FAM107B: variants seen among roughly 807,000 people sequenced by gnomAD.
The protein encoded by FAM107B is family with sequence similarity 107 member B.
Under a neutral mutation model 31.5 loss-of-function variants are expected in FAM107B, and 21 were observed. The observed-to-expected ratio is 0.67, with a 90% confidence interval of 0.47 to 0.96. The LOEUF (loss-of-function observed/expected upper bound fraction) is 0.96, where lower values mean the gene tolerates loss of function less well. FAM107B is among the 40% of genes least tolerant of loss of function. The pLI is 0.00. For missense variants in FAM107B, 452 were observed against 377.1 expected (o/e 1.20, Z -1.64); for synonymous variants, 157 against 141.5 (o/e 1.11, Z -0.78).
chr10:14,618,861 G>A lies in FAM107B; in HGVS notation c.469+48773C>T, dbSNP rs541608911. 2.0e-5 allele frequency among the ~76,000 whole-genome samples: 3 copies of A among 152,202 alleles called. No homozygotes were observed. The East Asian group carries it at 5.8e-4, about 29-fold the overall frequency. ...AAAAAAAATAGTCACTGCAGATGAT[G>A]TAATTAAGATGAGGTCATATTGGAG... On this transcript the variant is annotated intron_variant, in intron 2 of 4. Coordinates refer to ENST00000181796, the MANE Select transcript of FAM107B (RefSeq NM_031453.4).
intron 1 of FAM107B, among the ~76,000 whole-genome samples, chr10:14,763,133 G>A (rs1164604564): frequency 2.6e-5 from 4 of 151,326 alleles, no homozygotes; most frequent in Admixed American, 1.3e-4. Context: ...GTGGTGGCAG[G>A]CACCTGTAAT....
intron 2 of FAM107B, among the ~76,000 whole-genome samples, chr10:14,547,593 G>C (rs1207884029): frequency 6.6e-6 from 1 of 151,764 alleles, no homozygotes; most frequent in Non-Finnish European, 1.5e-5. Flanking sequence ...GCTCCGGTGA[G>C]CATTTCCTTT....
intron 1 of FAM107B, among the ~76,000 whole-genome samples, chr10:14,721,009 G>A (rs1855898173): frequency 6.6e-6 from 1 of 151,228 alleles, no homozygotes; most frequent in Non-Finnish European, 1.5e-5. Context: ...CCCACCCCAT[G>A]ACAGGCGCCA....
intron 2 of FAM107B, among the ~76,000 whole-genome samples, chr10:14,615,013 C>T (rs1852815310): frequency 6.6e-6 from 1 of 152,152 alleles, no homozygotes; most frequent in Non-Finnish European, 1.5e-5. Flanking sequence ...GGTTTTGTTT[C>T]ACTGTTTTGC....
chr10:14,694,912 A>G (rs1290216912), intron 1 of FAM107B, among the ~76,000 whole-genome samples: 9 of 152,178 alleles, frequency 5.9e-5, no homozygotes, highest in Non-Finnish European at 1.2e-4. Flanking sequence ...GCCCCTTATC[A>G]GAGATATATT....
chr10:14,533,512 G>A (rs1224274752), intron 2 of FAM107B, among the ~76,000 whole-genome samples: 2 of 152,162 alleles, frequency 1.3e-5, no homozygotes, highest in African/African-American at 4.8e-5. Flanking sequence ...AAGCCTGGGT[G>A]ACTCGCTCTC....
At chr10:14,547,124 G>C (rs1472523800) in intron 2 of FAM107B, among the ~76,000 whole-genome samples, 1 of 152,072 alleles carries the variant, frequency 6.6e-6, no homozygotes, top group Non-Finnish European at 1.5e-5. Context: ...TTCCAAAATA[G>C]TCCCAGGGTT....
At chr10:14,542,187 T>C (rs1370555461) in intron 2 of FAM107B, among the ~76,000 whole-genome samples, 1 of 151,412 alleles carries the variant, frequency 6.6e-6, no homozygotes, top group East Asian at 1.9e-4. Flanking sequence ...CGAGAATCGC[T>C]TGAACGCAGG....
At chr10:14,632,628 A>AG (rs544305287) in intron 2 of FAM107B, among the ~76,000 whole-genome samples, 1 of 148,256 alleles carries the variant, frequency 6.7e-6, no homozygotes, top group South Asian at 2.2e-4. Context: ...AAAAAAAAAA[A>AG]GAGAATTCAG....
At chr10:14,536,451 G>T (rs1437138238) in intron 2 of FAM107B, among the ~76,000 whole-genome samples, 1 of 152,180 alleles carries the variant, frequency 6.6e-6, no homozygotes, top group Non-Finnish European at 1.5e-5. Flanking sequence ...TACGTAAGGT[G>T]GAGGCGGCAA....
intron 2 of FAM107B, among the ~76,000 whole-genome samples, chr10:14,655,396 T>C (rs1854020901): frequency 1.3e-5 from 2 of 152,248 alleles, no homozygotes; most frequent in Admixed American, 6.5e-5. Flanking sequence ...TTTTCTTTTT[T>C]TTCTATCTCA....
intron 3 of FAM107B, among the ~76,000 whole-genome samples, chr10:14,525,886 C>T (rs567127319): frequency 1.8e-4 from 28 of 152,276 alleles, no homozygotes; most frequent in African/African-American, 6.3e-4. Flanking sequence ...ATATTCCCAC[C>T]CCCAGAGTAT....
chr10:14,678,096 G>A (rs1302707189), intron 1 of FAM107B, among the ~76,000 whole-genome samples: 3 of 152,194 alleles, frequency 2.0e-5, no homozygotes, highest in Admixed American at 2.0e-4. Flanking sequence ...GCTGGAACCT[G>A]ACGACAAGCC....
rs1408725478 is a variant in FAM107B, at chr10:14,530,434, T to C, written c.551A>G (p.Asp184Gly). The C allele has an allele frequency of 1.2e-6, 2 of 1,614,040 alleles. No individual in the cohort carries two copies. The highest frequency in any genetic ancestry group is 4.5e-5 in the East Asian group (2 of 44,896). Reference sequence around the variant, plus strand: ...AGGCCTAATGAGTTCAGGATTGTCATCTTCTATGTAGTCTGGCTCGGCCAT... The same window carrying C: ...AGGCCTAATGAGTTCAGGATTGTCACCTTCTATGTAGTCTGGCTCGGCCAT... ...SIMAEPDYIE[D>G]DNPELIRPQK... is the part of the protein sequence containing the mutation. Residue 184 changes from aspartate (D) to glycine (G), a missense_variant, in exon 3 of 5, where the codon GAT (aspartate) becomes GGT (glycine). Coordinates refer to ENST00000181796, the MANE Select transcript of FAM107B (RefSeq NM_031453.4).
intron 1 of FAM107B, among the ~76,000 whole-genome samples, chr10:14,766,409 G>A (rs1833162266): frequency 1.3e-5 from 2 of 152,162 alleles, no homozygotes; most frequent in South Asian, 4.1e-4. Context: ...TTCCCATGCT[G>A]CTTGGAGGGT....
intron 2 of FAM107B, among the ~76,000 whole-genome samples, chr10:14,536,978 T>C (rs1847683193): frequency 6.6e-6 from 1 of 152,196 alleles, no homozygotes; most frequent in Non-Finnish European, 1.5e-5. Context: ...GCACATATTT[T>C]ATATTTAGAA....
At chr10:14,631,382 T>C (rs1330774336) in intron 2 of FAM107B, among the ~76,000 whole-genome samples, 2 of 152,222 alleles carry the variant, frequency 1.3e-5, no homozygotes, top group Non-Finnish European at 2.9e-5. Flanking sequence ...ATCTTGTCTA[T>C]CCTTTTACAT....
intron 1 of FAM107B, among the ~76,000 whole-genome samples, chr10:14,732,814 T>C (rs1856204098): frequency 6.8e-6 from 1 of 147,358 alleles, no homozygotes; most frequent in Non-Finnish European, 1.5e-5. Context: ...TATAATTATA[T>C]GTATTATAAT....
At chr10:14,662,216 A>T (rs751012156) in intron 2 of FAM107B, among the ~76,000 whole-genome samples, 5 of 152,134 alleles carry the variant, frequency 3.3e-5, no homozygotes, top group Non-Finnish European at 7.4e-5. Flanking sequence ...CTCACTTTTA[A>T]ATAGACATAA....
Sources: allele counts gnomAD v4.1 joint callset (sites outside exome capture counted in the v4.1 genomes callset), GRCh38; gene constraint gnomAD v4.1.1; transcripts MANE v1.5; gene names NCBI Gene and HGNC (gene_info 2026-07-23, HGNC 2026-07-21).